Variants in MTUS2 observed in about 807,000 individuals in gnomAD.
MTUS2 encodes the protein microtubule associated scaffold protein 2, also known as microtubule-associated tumor suppressor candidate 2.
In MTUS2, 40 loss-of-function variants were observed where a neutral mutation model predicts 114.1. The ratio of observed to expected loss-of-function variants is 0.35; its 90% CI spans 0.27 to 0.46. The LOEUF (loss-of-function observed/expected upper bound fraction) is 0.46. MTUS2 is among the 20% of genes least tolerant of loss of function. The pLI is 1.00. For synonymous variants in MTUS2, 688 were observed against 672.0 expected, an observed-to-expected ratio of 1.02 and a Z score of -0.37; for missense variants, 1,679 against 1,705.4, an observed-to-expected ratio of 0.98 and a Z score of 0.27.
At chr13:28,950,123 T>C (rs1882737143) in intron 2 of MTUS2, among the ~76,000 whole-genome samples, 1 of 152,230 alleles carries the variant, frequency 6.6e-6, no homozygotes, top group Non-Finnish European at 1.5e-5. Context: ...TGTTATTGTC[T>C]GTTTTTTGAT....
intron 4 of MTUS2, among the ~76,000 whole-genome samples, chr13:29,075,480 A>C (rs1407044671): frequency 6.6e-6 from 1 of 152,236 alleles, no homozygotes; most frequent in Non-Finnish European, 1.5e-5. Context: ...AGTTAGTATT[A>C]TCTCTGACTG....
chr13:29,067,467 G>C (rs1189292894), intron 4 of MTUS2, among the ~76,000 whole-genome samples: 1 of 152,132 alleles, frequency 6.6e-6, no homozygotes, highest in African/African-American at 2.4e-5. Context: ...AGAGGCTGTT[G>C]GGATTGGAAA....
chr13:28,824,870 C>CA (rs1210394323), intron 1 of MTUS2, among the ~76,000 whole-genome samples: 7 of 152,088 alleles, frequency 4.6e-5, no homozygotes, highest in African/African-American at 1.4e-4. Context: ...GAAAATAAAT[C>CA]AGAGATGGGG....
At chr13:28,956,382 T>A (rs578221691) in intron 2 of MTUS2, among the ~76,000 whole-genome samples, 1 of 152,224 alleles carries the variant, frequency 6.6e-6, no homozygotes, top group South Asian at 2.1e-4. Context: ...ATCAGTTCAA[T>A]AGGGCGGCAG....
intron 8 of MTUS2, among the ~76,000 whole-genome samples, chr13:29,388,323 C>T (rs1390612984): frequency 6.6e-6 from 1 of 151,726 alleles, no homozygotes; most frequent in Non-Finnish European, 1.5e-5. Context: ...ACTTTTTTGT[C>T]GTTTACCTGA....
At chr13:29,409,449 G>A (rs769924904) in intron 8 of MTUS2, among the ~76,000 whole-genome samples, 3 of 151,896 alleles carry the variant, frequency 2.0e-5, no homozygotes, top group Non-Finnish European at 4.4e-5. Context: ...TTGCTTTAAT[G>A]TCATTAATAT....
intron 4 of MTUS2, among the ~76,000 whole-genome samples, chr13:29,063,019 T>A (rs924122625): frequency 6.6e-6 from 1 of 152,200 alleles, no homozygotes; most frequent in South Asian, 2.1e-4. Context: ...AAACACAAGA[T>A]CTTGTTTGAG....
intron 4 of MTUS2, among the ~76,000 whole-genome samples, chr13:29,088,487 A>G (rs977794855): frequency 2.6e-5 from 4 of 152,146 alleles, no homozygotes; most frequent in African/African-American, 9.7e-5. Context: ...GATGCCTGTT[A>G]GGTCCATTTG....
Position 29,273,551 on chromosome 13 carries a change from G to T in MTUS2, c.2645-8153G>T, listed in dbSNP as rs115048602. ...AAAATCTTTTGAGATTTTTCTTAAA[G>T]ACATAATTCAAGTACCGTAAAATTT... On this transcript the variant is annotated intron_variant, in intron 5 of 15. Transcript: ENST00000612955. 5.1e-3 allele frequency among the ~76,000 whole-genome samples: 771 copies of T among 152,226 alleles called. 10 individuals carry two copies. The highest frequency in any genetic ancestry group is 0.018 in the African/African-American group (738 of 41,534).
chr13:29,012,907 G>A (rs916589641), intron 2 of MTUS2, among the ~76,000 whole-genome samples: 17 of 152,162 alleles, frequency 1.1e-4, no homozygotes, highest in East Asian at 5.8e-4. Flanking sequence ...CCTCAGTTGC[G>A]TTCAGGTGCC....
chr13:29,021,083 G>A (rs1274951508), intron 2 of MTUS2, among the ~76,000 whole-genome samples: 1 of 152,136 alleles, frequency 6.6e-6, no homozygotes, highest in Non-Finnish European at 1.5e-5. Context: ...TCTGGTCAAT[G>A]TATCGAGACC....
intron 7 of MTUS2, among the ~76,000 whole-genome samples, chr13:29,345,613 T>C (rs939196221): frequency 3.9e-5 from 6 of 152,090 alleles, no homozygotes; most frequent in African/African-American, 1.4e-4. Context: ...GGTGCCTCCA[T>C]GTGTGGCTTC....
At chr13:29,392,242 C>T (rs1470181807) in intron 8 of MTUS2, among the ~76,000 whole-genome samples, 1 of 152,090 alleles carries the variant, frequency 6.6e-6, no homozygotes, top group Non-Finnish European at 1.5e-5. Flanking sequence ...TCCCGCAGCC[C>T]CTGGCCACCA....
At chr13:29,201,814 G>T (rs1047872011) in intron 5 of MTUS2, among the ~76,000 whole-genome samples, 1 of 152,136 alleles carries the variant, frequency 6.6e-6, no homozygotes, top group African/African-American at 2.4e-5. Context: ...CTTTCTTTAG[G>T]AATGTTGAAT....
intron 5 of MTUS2, among the ~76,000 whole-genome samples, chr13:29,280,635 A>T (rs983103501): frequency 1.3e-5 from 2 of 152,174 alleles, no homozygotes; most frequent in African/African-American, 4.8e-5. Context: ...GAAAACAAAA[A>T]ATTTAATCCT....
chr13:29,313,477 A>G (rs1899858389), intron 6 of MTUS2, among the ~76,000 whole-genome samples: 1 of 152,186 alleles, frequency 6.6e-6, no homozygotes, highest in Non-Finnish European at 1.5e-5. Flanking sequence ...TGTGATGTGC[A>G]TGGGAGATAT....
At chr13:28,958,588 A>T (rs1883179439) in intron 2 of MTUS2, among the ~76,000 whole-genome samples, 1 of 152,260 alleles carries the variant, frequency 6.6e-6, no homozygotes, top group Non-Finnish European at 1.5e-5. Flanking sequence ...CGCTGGTAAA[A>T]GTAGCAGATT....
chr13:29,421,876 C>T (rs1398289498), intron 8 of MTUS2, among the ~76,000 whole-genome samples: 1 of 152,020 alleles, frequency 6.6e-6, no homozygotes, highest in African/African-American at 2.4e-5. Flanking sequence ...TGACGGAGGG[C>T]AGGGGAGGGA....
chr13:28,895,289 A>G (rs1232077754), intron 2 of MTUS2, among the ~76,000 whole-genome samples: 3 of 152,200 alleles, frequency 2.0e-5, no homozygotes, highest in African/African-American at 7.2e-5. Flanking sequence ...ATTTTATTGT[A>G]CTAGGCTGAT....
Sources: gnomAD v4.1 joint callset for allele counts (sites outside exome capture counted in the v4.1 genomes callset) on GRCh38, gnomAD v4.1.1 for gene constraint, MANE v1.5 for transcripts, NCBI Gene and HGNC (gene_info 2026-07-23, HGNC 2026-07-21) for gene names.